The following ZNF286A variants were observed in gnomAD, a reference collection of about 807,000 sequenced individuals.
The protein encoded by ZNF286A is zinc finger protein 286A.
A neutral mutation model predicts 49.3 loss-of-function variants in ZNF286A; 34 were observed. The ratio of observed to expected loss-of-function variants is 0.69; its 90% confidence interval spans 0.52 to 0.92. The LOEUF (loss-of-function observed/expected upper bound fraction) is 0.92. Among genes scored for constraint, ZNF286A ranks in the 40% least tolerant of loss-of-function variants. The pLI is 0.00. For missense variants in ZNF286A, 462 were observed against 600.2 expected (o/e 0.77, Z 2.41); for synonymous variants, 155 against 200.4 (o/e 0.77, Z 1.91).
rs373733475 is a variant in ZNF286A, at chr17:15,706,033, C to T, written c.127-354C>T. Among the ~76,000 whole-genome samples the T allele has an allele frequency of 5.9e-5, 9 of 152,250 alleles. No homozygotes were observed. In the East Asian group the frequency reaches 1.5e-3, roughly 26 times the overall value. On this transcript the variant is annotated intron_variant, in intron 3 of 5. Transcript: ENST00000583566. ...AGGACTCAGAGAAGCATTATGTAGA[C>T]GTGACTTTTTTTCCCTCTGCTGATA...
chr17:15,703,834 C>T (rs1398814565), intron 3 of ZNF286A, among the ~76,000 whole-genome samples: 1 of 151,894 alleles, frequency 6.6e-6, no homozygotes, highest in African/African-American at 2.4e-5. Flanking sequence ...TTTATTGTTT[C>T]CTCTTTTGTA....
At chr17:15,704,065 TA>T (rs200556103) in intron 3 of ZNF286A, among the ~76,000 whole-genome samples, 4 of 102,956 alleles carry the variant, frequency 3.9e-5, no homozygotes, top group African/African-American at 6.9e-5. Context: ...TTATTATTAT[TA>T]TTTTTTTTTT....
intron 5 of ZNF286A, 42 bp downstream of exon 5, chr17:15,708,289 C>G: frequency 6.7e-7 from 1 of 1,489,236 alleles, no homozygotes; most frequent in African/African-American, 1.4e-5. Context: ...GATAGCCCAG[C>G]AGGACAATGA....
Position 15,716,784 on chromosome 17 carries a change from T to C in ZNF286A, c.1060T>C (p.Tyr354His). The change falls in exon 6 of 6, where the codon TAT (tyrosine) becomes CAT (histidine). Residue 354 changes from tyrosine (Y) to histidine (H), a missense_variant. Tyr to His is a moderately conservative substitution (Grantham distance 83). Coordinates refer to ENST00000583566, the MANE Select transcript of ZNF286A (RefSeq NM_001130842.2). The stretch of plus-strand genomic sequence containing the variant: ...GTTGATTCATACTGGAGTGAAGCCT[T>C]ATGAATGTAATGAATGTGATAAAGC... The part of the protein sequence containing the change: ...HQLIHTGVKP[Y>H]ECNECDKAFI... The C allele has an allele frequency of 6.2e-7, 1 of 1,613,950 alleles. No individual in the cohort carries two copies. Among genetic ancestry groups the C allele is most frequent in the East Asian group, 2.2e-5 (1 of 44,870 alleles).
intron 5 of ZNF286A, among the ~76,000 whole-genome samples, chr17:15,713,113 G>A (rs985209034): frequency 1.4e-4 from 21 of 152,100 alleles, no homozygotes; most frequent in African/African-American, 4.1e-4. Flanking sequence ...ATAATTGGCC[G>A]GGTGTGGTGG....
rs1033222105 is a variant in ZNF286A, at chr17:15,708,555, G to A, written c.334+308G>A. The A allele has an allele frequency of 9.9e-4, 210 of 212,728 alleles. 1 individual carries two copies. Among genetic ancestry groups the A allele is most frequent in the African/African-American group, 4.3e-3 (187 of 43,784 alleles). 13.2% of individuals were successfully genotyped at this position (212,728 alleles called of 1,614,324 possible). On this transcript the variant is annotated intron_variant, in intron 5 of 5. Coordinates refer to ENST00000583566, the MANE Select transcript of ZNF286A (RefSeq NM_001130842.2). Reference sequence around the variant, plus strand: ...CACTAATTTAGCACATTCATGTAACGATTGCCCAAATCAAGAAAATAGCCT... The same window carrying A: ...CACTAATTTAGCACATTCATGTAACAATTGCCCAAATCAAGAAAATAGCCT...
At position 15,716,613 on chromosome 17, in the gene ZNF286A, C is replaced by T. The variant is rs756583719; in HGVS notation, c.889C>T (p.Leu297Phe). The stretch of plus-strand genomic sequence containing the variant: ...ACACCAGAGAACTCATACTAGAATT[C>T]TCTTTGAATGCAGTGAATGCAAGAA... Reference protein sequence around the residue: ...TKHQRTHTRILFECSECKKTF... With the variant: ...TKHQRTHTRIFFECSECKKTF... Residue 297 changes from leucine to phenylalanine, a missense_variant, in exon 6 of 6, where the codon CTC becomes TTC. Physicochemically the swap from Leu to Phe is conservative, Grantham distance 22. Transcript: ENST00000583566. The T allele has an allele frequency of 2.5e-6, 4 of 1,614,074 alleles. No homozygotes were observed. Among genetic ancestry groups the T allele is most frequent in the Non-Finnish European group, 3.4e-6 (4 of 1,180,010 alleles).
intron 5 of ZNF286A, among the ~76,000 whole-genome samples, chr17:15,714,073 C>T (rs774819546): frequency 2.3e-4 from 35 of 151,946 alleles, no homozygotes; most frequent in Middle Eastern, 3.4e-3. Context: ...AATTGCTTTA[C>T]GAATATTTCC....
chr17:15,710,669 A>G (rs1174880773), intron 5 of ZNF286A, among the ~76,000 whole-genome samples: 2 of 152,152 alleles, frequency 1.3e-5, no homozygotes, highest in South Asian at 2.1e-4. Context: ...AAAAAGTTAT[A>G]CTTTTGAATA....
chr17:15,711,369 A>T (rs1363266592), intron 5 of ZNF286A: 1 of 152,086 alleles, frequency 6.6e-6, no homozygotes, highest in Non-Finnish European at 1.5e-5. Flanking sequence ...ATTGCTTCTT[A>T]CTTCTCTGAG....
At chr17:15,710,785 G>A (rs1194952590) in intron 5 of ZNF286A, among the ~76,000 whole-genome samples, 2 of 151,996 alleles carry the variant, frequency 1.3e-5, no homozygotes, top group East Asian at 3.9e-4. Context: ...TCCCTTTTTT[G>A]GGGTATTGCA....
At chr17:15,707,297 G>C (rs563443047) in intron 4 of ZNF286A, among the ~76,000 whole-genome samples, 11 of 152,102 alleles carry the variant, frequency 7.2e-5, no homozygotes, top group Non-Finnish European at 1.2e-4. Flanking sequence ...AAAATTAGCC[G>C]GGTGCGGTGG....
chr17:15,703,016 A>C (rs548308712), intron 3 of ZNF286A, among the ~76,000 whole-genome samples: 1 of 152,266 alleles, frequency 6.6e-6, no homozygotes, highest in African/African-American at 2.4e-5. Context: ...TCTTCTAGTC[A>C]TTCTTGCAGA....
In ZNF286A at chr17:15,706,515, G is replaced by A. The variant is rs1990238703; in HGVS notation, c.241+14G>A. On this transcript the variant is annotated intron_variant, in intron 4 of 5. Coordinates refer to ENST00000583566, the MANE Select transcript of ZNF286A (RefSeq NM_001130842.2). The stretch of plus-strand genomic sequence containing the variant: ...TAGTCTCACTTTGTAAGAATGGATT[G>A]TGATTCTGGAATCTGCTTATAGGAG... 4 of 1,572,700 alleles carry A rather than the reference G, an allele frequency of 2.5e-6. No homozygotes were observed. Among genetic ancestry groups the A allele is most frequent in the Non-Finnish European group, 3.5e-6 (4 of 1,154,760 alleles).
In ZNF286A at chr17:15,706,432, G is replaced by T; in HGVS notation, c.172G>T (p.Glu58Ter). 1 of 1,613,932 alleles carries T rather than the reference G, an allele frequency of 6.2e-7. No individual in the cohort carries two copies. Among genetic ancestry groups the T allele is most frequent in the South Asian group, 1.1e-5 (1 of 91,068 alleles). ...TGTGGCCATGGACTTTACACCAGAG[G>T]AGTGGGGGAAGCTGGATCCTGCACA... ...KDVAMDFTPE[E>*]WGKLDPAQRD... The change falls in exon 4 of 6, where the codon GAG becomes TAG. Residue 58 changes from glutamate to a stop codon, truncating the protein, a stop_gained. Transcript: ENST00000583566. LOFTEE classifies it high-confidence loss of function.
In ZNF286A at chr17:15,704,272, T is replaced by G. The variant is rs1990022135; in HGVS notation, c.127-2115T>G. On this transcript the variant is annotated intron_variant, in intron 3 of 5. Transcript: ENST00000583566. ...CGCCCGCTTCTTGTCCGTCTTTTTC[T>G]TGGCCGCCAGCTTCTTATCGCGCTC... 4 of 1,607,626 alleles carry G rather than the reference T, an allele frequency of 2.5e-6. No individual in the cohort carries two copies. The South Asian group carries it at 4.4e-5, about 18-fold the overall frequency.
At chr17:15,715,724 G>A (rs2151482119) in intron 5 of ZNF286A, among the ~76,000 whole-genome samples, 1 of 152,010 alleles carries the variant, frequency 6.6e-6, no homozygotes, top group East Asian at 1.9e-4. Context: ...ACAATAAGTA[G>A]GTATTCTATA....
At chr17:15,706,565 A>G in intron 4 of ZNF286A, 64 bp downstream of exon 4, 1 of 1,238,750 alleles carries the variant, frequency 8.1e-7, no homozygotes, top group Non-Finnish European at 1.1e-6. Context: ...TGAAAGTGAA[A>G]TAGCTTAACA....
intron 1 of ZNF286A, 170 bp from the exon 2 acceptor site, chr17:15,699,965 G>A (rs1485589703): frequency 2.9e-5 from 18 of 619,056 alleles, no homozygotes; most frequent in Non-Finnish European, 4.6e-5. Context: ...CCACGGGCGG[G>A]GTGGTCGCGG....
Sources: gnomAD v4.1 joint callset for allele counts (sites outside exome capture counted in the v4.1 genomes callset) on GRCh38, gnomAD v4.1.1 for gene constraint, MANE v1.5 for transcripts, NCBI Gene and HGNC (gene_info 2026-07-23, HGNC 2026-07-21) for gene names.